SDK1: variants seen among roughly 807,000 people sequenced by gnomAD.
SDK1 encodes sidekick cell adhesion molecule 1, also known as protein sidekick-1.
A neutral mutation model predicts 245.5 loss-of-function variants in SDK1; 157 were observed. The observed-to-expected ratio is 0.64, with a 90% CI of 0.56 to 0.73. The LOEUF (loss-of-function observed/expected upper bound fraction) is 0.73. Among genes scored for constraint, SDK1 ranks in the 30% least tolerant of loss-of-function variants. SDK1 has a pLI of 0.00. For synonymous variants in SDK1, 1,647 were observed against 1,278.5 expected (o/e 1.29, Z -6.15); for missense variants, 3,583 against 3,002.3 (o/e 1.19, Z -4.52).
At chr7:3,616,380 G>T (rs1003134730) in intron 1 of SDK1, among the ~76,000 whole-genome samples, 5 of 152,194 alleles carry the variant, frequency 3.3e-5, no homozygotes, top group African/African-American at 1.2e-4. Context: ...GCAAGGCCCT[G>T]CACAACCTGG....
chr7:3,306,944 G>A (rs984578879), intron 1 of SDK1, among the ~76,000 whole-genome samples: 1 of 152,168 alleles, frequency 6.6e-6, no homozygotes, highest in Non-Finnish European at 1.5e-5. Context: ...AAGAAGTAAA[G>A]AAAGTGGTAG....
chr7:4,022,519 A>G (rs981649937), intron 17 of SDK1, among the ~76,000 whole-genome samples: 1 of 152,186 alleles, frequency 6.6e-6, no homozygotes, highest in East Asian at 1.9e-4. Flanking sequence ...GTGACACAGC[A>G]TATGCCTGGG....
intron 4 of SDK1, among the ~76,000 whole-genome samples, chr7:3,680,013 TA>T (rs35259761): frequency 6.6e-6 from 1 of 151,974 alleles, no homozygotes; most frequent in Non-Finnish European, 1.5e-5. Context: ...TTGAGATTAG[TA>T]AAAAAATCAG....
chr7:3,541,220 C>T (rs1779045257), intron 1 of SDK1, among the ~76,000 whole-genome samples: 1 of 152,288 alleles, frequency 6.6e-6, no homozygotes. Context: ...TGTTAATTGT[C>T]GAGAGTTTAT....
intron 1 of SDK1, among the ~76,000 whole-genome samples, chr7:3,491,802 A>G (rs758408458): frequency 1.3e-5 from 2 of 152,222 alleles, no homozygotes; most frequent in African/African-American, 2.4e-5. Flanking sequence ...ACTTTTTCTC[A>G]TATGCCAACG....
At chr7:3,788,095 G>T (rs1178930143) in intron 4 of SDK1, among the ~76,000 whole-genome samples, 2 of 152,140 alleles carry the variant, frequency 1.3e-5, no homozygotes, top group Non-Finnish European at 2.9e-5. Flanking sequence ...CCCACCTCCC[G>T]GCCCGGGACC....
chr7:3,449,551 T>G (rs1183783120), intron 1 of SDK1, among the ~76,000 whole-genome samples: 1 of 152,226 alleles, frequency 6.6e-6, no homozygotes, highest in Non-Finnish European at 1.5e-5. Flanking sequence ...TAATTAGAAG[T>G]AGGCTTTTGG....
intron 4 of SDK1, among the ~76,000 whole-genome samples, chr7:3,642,360 C>A (rs1782676608): frequency 6.6e-6 from 1 of 152,192 alleles, no homozygotes; most frequent in Non-Finnish European, 1.5e-5. Context: ...CCTTACCCAA[C>A]TTTGCAGTCC....
intron 1 of SDK1, among the ~76,000 whole-genome samples, chr7:3,391,263 G>C (rs1207830990): frequency 6.6e-6 from 1 of 152,122 alleles, no homozygotes; most frequent in South Asian, 2.1e-4. Context: ...AGACTCCATA[G>C]AAGTCAACTC....
chr7:3,804,408 G>A (rs751164521), intron 4 of SDK1, among the ~76,000 whole-genome samples: 5 of 152,010 alleles, frequency 3.3e-5, no homozygotes, highest in Non-Finnish European at 7.4e-5. Flanking sequence ...ACTGTTACGG[G>A]TCTCTTTCTG....
intron 1 of SDK1, chr7:3,338,260 G>C (rs1191715183): frequency 2.5e-6 from 1 of 400,172 alleles, no homozygotes; most frequent in Non-Finnish European, 4.6e-6. Flanking sequence ...CAAGGGAATG[G>C]GTACTGTTCA....
intron 25 of SDK1, among the ~76,000 whole-genome samples, chr7:4,126,220 G>A (rs1242632152): frequency 2.6e-5 from 4 of 152,178 alleles, no homozygotes; most frequent in Non-Finnish European, 4.4e-5. Context: ...TCAGGTCCAG[G>A]TTTTCCTATC....
rs1783914319 is a variant in SDK1, at chr7:3,987,114, T to TG, written c.1995-72_1995-71insG. The TG allele has an allele frequency of 1.5e-5, 22 of 1,513,490 alleles. No individual in the cohort carries two copies. In the African/African-American group the frequency reaches 1.8e-4, roughly 12 times the overall value. 93.8% of individuals were successfully genotyped at this position (1,513,490 alleles called of 1,614,324 possible). A position where few individuals can be genotyped will look rare whatever the true frequency, so the allele number is the denominator to read the frequency against. On this transcript the variant is annotated intron_variant, in intron 13 of 44. Transcript: ENST00000404826. ...CATGACACAGCAGGACGGTCTGCTG[T>TG]AAGAGCTCAGGCTCACCATGGATTC... is the stretch of plus-strand genomic sequence containing the variant.
At chr7:3,480,748 C>T (rs184338976) in intron 1 of SDK1, among the ~76,000 whole-genome samples, 26 of 152,286 alleles carry the variant, frequency 1.7e-4, no homozygotes, top group Admixed American at 7.2e-4. Flanking sequence ...GTTTATTTTA[C>T]GTTGACAGGG....
chr7:4,113,275 G>A lies in SDK1; in HGVS notation c.3435-14G>A. The A allele has an allele frequency of 6.2e-7, 1 of 1,611,392 alleles. No individual in the cohort carries two copies. On this transcript the variant is annotated splice_polypyrimidine_tract_variant and intron_variant, in intron 23 of 44. Transcript: ENST00000404826. ...TTGCTTTGCCGTGACTCTCATCAGT[G>A]GTTTTTCCTTTAGATTTCGAATGAA...
chr7:3,592,958 A>C (rs1780931493), intron 1 of SDK1, among the ~76,000 whole-genome samples: 1 of 152,206 alleles, frequency 6.6e-6, no homozygotes. Flanking sequence ...GGCATTGGGC[A>C]GCTGGGACTT....
chr7:4,011,899 GA>G (rs1358467505), intron 15 of SDK1, among the ~76,000 whole-genome samples, 195 bp from the exon 16 acceptor site: 1 of 152,106 alleles, frequency 6.6e-6, no homozygotes, highest in African/African-American at 2.4e-5. Context: ...TTGGTTAACT[GA>G]TTTTCTATTA....
intron 35 of SDK1, among the ~76,000 whole-genome samples, chr7:4,181,643 A>T (rs1782609285): frequency 6.6e-6 from 1 of 151,262 alleles, no homozygotes; most frequent in Admixed American, 6.6e-5. Context: ...CACACCCTCC[A>T]CGTGACTCAC....
intron 4 of SDK1, among the ~76,000 whole-genome samples, chr7:3,678,940 C>A (rs576784697): frequency 2.1e-4 from 32 of 152,074 alleles, no homozygotes; most frequent in African/African-American, 7.2e-4. Flanking sequence ...AAATGAACAA[C>A]AACAACAAAA....
Sources: gnomAD v4.1 joint callset for allele counts (sites outside exome capture counted in the v4.1 genomes callset) on GRCh38, gnomAD v4.1.1 for gene constraint, MANE v1.5 for transcripts, NCBI Gene and HGNC (gene_info 2026-07-23, HGNC 2026-07-21) for gene names.